The following CNTN4 variants were observed in gnomAD, a reference collection of about 807,000 sequenced individuals.
The protein encoded by CNTN4 is contactin-4.
CNTN4 carries 77 observed loss-of-function variants against 122.5 expected under a neutral mutation model. The ratio of observed to expected loss-of-function variants is 0.63; its 90% CI spans 0.52 to 0.76. CNTN4 has a LOEUF of 0.76. Ranked by LOEUF, CNTN4 falls within the 30% of genes least tolerant of loss-of-function variation. The probability of loss-of-function intolerance (pLI) is 0.00; values close to 1 mark genes in which losing one functional copy is unlikely to be tolerated. For synonymous variants in CNTN4, 512 were observed against 447.0 expected, an observed-to-expected ratio of 1.15 and a Z score of -1.83; for missense variants, 1,256 against 1,259.1, an observed-to-expected ratio of 1.00 and a Z score of 0.04.
chr3:2,980,150 G>C (rs764419941), intron 13 of CNTN4, among the ~76,000 whole-genome samples: 1 of 152,218 alleles, frequency 6.6e-6, no homozygotes, highest in Non-Finnish European at 1.5e-5. Context: ...GTCCAGATTT[G>C]TTCCTATCCT....
rs577961574 is a variant in CNTN4 at position 2,266,246 on chromosome 3, C to T, written c.-144-72932C>T. Among the ~76,000 whole-genome samples the T allele has an allele frequency of 2.0e-5, 3 of 151,898 alleles. No homozygotes were observed. In the South Asian group the frequency reaches 6.2e-4, roughly 32 times the overall value. Reference sequence around the variant, plus strand: ...ACGTTGAGGAATGTTCCTTCTATACCCATTTTGTTGACAGTTTTCATCATG... The same window carrying T: ...ACGTTGAGGAATGTTCCTTCTATACTCATTTTGTTGACAGTTTTCATCATG... On this transcript the variant is annotated intron_variant, in intron 2 of 24. Transcript: ENST00000418658.
intron 6 of CNTN4, among the ~76,000 whole-genome samples, chr3:2,807,561 G>A (rs1486822342): frequency 6.6e-6 from 1 of 151,590 alleles, no homozygotes; most frequent in African/African-American, 2.4e-5. Flanking sequence ...TATACTCAAA[G>A]AAGATGGAAA....
intron 13 of CNTN4, among the ~76,000 whole-genome samples, chr3:2,972,098 A>G (rs1185713000): frequency 6.6e-6 from 1 of 152,194 alleles, no homozygotes; most frequent in Non-Finnish European, 1.5e-5. Flanking sequence ...GATTAATTAT[A>G]CAGACCTCCT....
intron 7 of CNTN4, among the ~76,000 whole-genome samples, chr3:2,851,863 A>G (rs1019920469): frequency 6.6e-6 from 1 of 152,234 alleles, no homozygotes; most frequent in Non-Finnish European, 1.5e-5. Context: ...AGAAGAAAAA[A>G]TAATAAAACA....
intron 6 of CNTN4, among the ~76,000 whole-genome samples, chr3:2,816,911 T>G (rs549834326): frequency 7.1e-6 from 1 of 141,126 alleles, no homozygotes; most frequent in African/African-American, 2.6e-5. Flanking sequence ...AATAAATAAA[T>G]AAAAATATAT....
chr3:2,349,600 A>G (rs1161002528), intron 3 of CNTN4, among the ~76,000 whole-genome samples: 1 of 152,218 alleles, frequency 6.6e-6, no homozygotes, highest in East Asian at 1.9e-4. Context: ...TTATCCATGA[A>G]AATTTTAAGG....
intron 3 of CNTN4, among the ~76,000 whole-genome samples, chr3:2,351,140 CT>C (rs1415653974): frequency 6.6e-6 from 1 of 152,122 alleles, no homozygotes; most frequent in Non-Finnish European, 1.5e-5. Context: ...CTAAATATGT[CT>C]TAGAGAAGTC....
intron 3 of CNTN4, among the ~76,000 whole-genome samples, chr3:2,569,196 C>T (rs1483408823): frequency 6.6e-6 from 1 of 152,184 alleles, no homozygotes; most frequent in Admixed American, 6.5e-5. Flanking sequence ...CTATCAGAAA[C>T]TAAGCTATTT....
At chr3:2,642,473 C>T (rs912982143) in intron 4 of CNTN4, among the ~76,000 whole-genome samples, 36 of 152,258 alleles carry the variant, frequency 2.4e-4, no homozygotes, top group Middle Eastern at 3.4e-3. Flanking sequence ...CAATATTAAC[C>T]ATTAAACTCT....
At chr3:2,986,102 A>T (rs1694545471) in intron 13 of CNTN4, among the ~76,000 whole-genome samples, 1 of 151,892 alleles carries the variant, frequency 6.6e-6, no homozygotes. Context: ...TTTTGTAGAG[A>T]CAGGGTTTTG....
chr3:3,040,371 T>C (rs1700042494), intron 20 of CNTN4, 100 bp downstream of exon 20: 1 of 876,238 alleles, frequency 1.1e-6, no homozygotes, highest in Non-Finnish European at 1.9e-6. Flanking sequence ...TACATGTATC[T>C]TGAAGGCATA....
intron 14 of CNTN4, among the ~76,000 whole-genome samples, chr3:2,994,480 C>T (rs1467467944): frequency 2.6e-5 from 4 of 151,640 alleles, no homozygotes; most frequent in Non-Finnish European, 4.4e-5. Flanking sequence ...CCCTACAAGC[C>T]GAAAAGGTTC....
At chr3:2,653,352 T>C (rs528605553) in intron 4 of CNTN4, among the ~76,000 whole-genome samples, 214 of 152,340 alleles carry the variant, frequency 1.4e-3, no homozygotes, top group Non-Finnish European at 1.9e-3. Context: ...TGTCTACCAG[T>C]TGAGCAACTG....
intron 3 of CNTN4, among the ~76,000 whole-genome samples, chr3:2,566,101 G>A (rs1339615032): frequency 6.6e-6 from 1 of 152,094 alleles, no homozygotes; most frequent in Non-Finnish European, 1.5e-5. Context: ...GAGTATTACA[G>A]ATTCTGCACC....
intron 3 of CNTN4, among the ~76,000 whole-genome samples, chr3:2,496,699 A>G (rs1391570468): frequency 6.6e-6 from 1 of 152,200 alleles, no homozygotes; most frequent in Non-Finnish European, 1.5e-5. Flanking sequence ...CCTTTTCCAA[A>G]GTCACTAAGG....
At chr3:2,634,974 T>C (rs540524906) in intron 4 of CNTN4, among the ~76,000 whole-genome samples, 1 of 152,288 alleles carries the variant, frequency 6.6e-6, no homozygotes, top group African/African-American at 2.4e-5. Context: ...AAAGACCTGG[T>C]ATGTGCCACT....
intron 4 of CNTN4, among the ~76,000 whole-genome samples, chr3:2,600,044 ATTCT>A (rs1419049214): frequency 3.8e-5 from 3 of 78,036 alleles, no homozygotes; most frequent in African/African-American, 1.5e-4. Flanking sequence ...TTGCCAAAAC[ATTCT>A]TTATTTGGTC....
chr3:2,702,940 C>T (rs1184167878), intron 4 of CNTN4, among the ~76,000 whole-genome samples: 1 of 152,138 alleles, frequency 6.6e-6, no homozygotes, highest in African/African-American at 2.4e-5. Flanking sequence ...GGGTAAGACC[C>T]AGTTATCTTG....
intron 3 of CNTN4, among the ~76,000 whole-genome samples, chr3:2,491,896 G>C (rs2076328490): frequency 6.6e-6 from 1 of 152,032 alleles, no homozygotes; most frequent in South Asian, 2.1e-4. Flanking sequence ...GATTATTTGT[G>C]AGTCATTTTG....
Sources: gnomAD v4.1 joint callset for allele counts (sites outside exome capture counted in the v4.1 genomes callset) on GRCh38, gnomAD v4.1.1 for gene constraint, MANE v1.5 for transcripts, NCBI Gene and HGNC (gene_info 2026-07-23, HGNC 2026-07-21) for gene names.